Variants in AFG2A observed in about 807,000 individuals in gnomAD.
The protein encoded by AFG2A is ATPase family gene 2 protein homolog A.
At chr4:123,185,952 C>T in the AFG2A span, among the ~76,000 whole-genome samples, 68 of 151,822 alleles carry the variant, frequency 4.5e-4, no homozygotes, top group Non-Finnish European at 8.2e-4. Flanking sequence ...TTAGAAATCT[C>T]CCACTATGTT....
At chr4:123,125,609 C>T in the AFG2A span, among the ~76,000 whole-genome samples, 1 of 152,114 alleles carries the variant, frequency 6.6e-6, no homozygotes, top group African/African-American at 2.4e-5. Context: ...GTGTTCAATT[C>T]CATAAATTTT....
the AFG2A span, among the ~76,000 whole-genome samples, chr4:122,976,506 C>A: frequency 6.6e-6 from 1 of 152,146 alleles, no homozygotes; most frequent in African/African-American, 2.4e-5. Flanking sequence ...CTACGTCATC[C>A]TAGTTTTTCT....
chr4:123,187,411 T>A, the AFG2A span, among the ~76,000 whole-genome samples: 7 of 152,306 alleles, frequency 4.6e-5, no homozygotes, highest in Non-Finnish European at 1.0e-4. Context: ...ACCCAACGTA[T>A]TAGTTGTTAT....
the AFG2A span, among the ~76,000 whole-genome samples, chr4:123,174,088 A>G: frequency 6.6e-5 from 10 of 152,224 alleles, no homozygotes; most frequent in Non-Finnish European, 1.3e-4. Flanking sequence ...TGGGCAAATT[A>G]TTAGAACTAG....
the AFG2A span, among the ~76,000 whole-genome samples, chr4:123,199,822 A>G: frequency 1.8e-4 from 28 of 152,122 alleles, no homozygotes; most frequent in Non-Finnish European, 7.4e-5. Context: ...ATAAATCCAG[A>G]GCTATATACA....
chr4:123,247,582 A>T, the AFG2A span, among the ~76,000 whole-genome samples: 2 of 149,614 alleles, frequency 1.3e-5, no homozygotes, highest in Admixed American at 6.7e-5. Context: ...GCTAATTTTT[A>T]TGTTTGTTTG....
At chr4:122,977,880 G>T in the AFG2A span, among the ~76,000 whole-genome samples, 1 of 152,288 alleles carries the variant, frequency 6.6e-6, no homozygotes, top group East Asian at 1.9e-4. Context: ...ACCTGGAGGG[G>T]GTAGCTGCTG....
chr4:123,120,286 GC>G, the AFG2A span, among the ~76,000 whole-genome samples: 116 of 152,084 alleles, frequency 7.6e-4, no homozygotes, highest in African/African-American at 2.5e-3. Context: ...TTAAATTTCT[GC>G]CATTATATTT....
the AFG2A span, among the ~76,000 whole-genome samples, chr4:123,019,861 A>G: frequency 6.6e-6 from 1 of 152,216 alleles, no homozygotes; most frequent in East Asian, 1.9e-4. Flanking sequence ...AATTTATTTC[A>G]GTAGTAAATT....
chr4:122,984,741 G>A, the AFG2A span, among the ~76,000 whole-genome samples: 3 of 152,256 alleles, frequency 2.0e-5, no homozygotes, highest in Non-Finnish European at 2.9e-5. Flanking sequence ...TGTTTATGTG[G>A]TGTATCACAT....
the AFG2A span, among the ~76,000 whole-genome samples, chr4:123,285,527 C>T: frequency 6.6e-6 from 1 of 152,176 alleles, no homozygotes; most frequent in Non-Finnish European, 1.5e-5. Flanking sequence ...TATGCCACCT[C>T]TGTGCCTTCA....
the AFG2A span, among the ~76,000 whole-genome samples, chr4:122,940,949 T>C: frequency 6.6e-6 from 1 of 151,684 alleles, no homozygotes; most frequent in African/African-American, 2.4e-5. Flanking sequence ...GTTGTAGATA[T>C]GTGGCATTAT....
chr4:123,274,191 T>TTC, the AFG2A span, among the ~76,000 whole-genome samples: 83 of 152,268 alleles, frequency 5.5e-4, no homozygotes, highest in Admixed American at 2.2e-3. Context: ...GATTTTCATT[T>TTC]TCTATACATA....
chr4:123,282,654 A>C, the AFG2A span, among the ~76,000 whole-genome samples: 97 of 152,196 alleles, frequency 6.4e-4, no homozygotes, highest in African/African-American at 2.3e-3. Context: ...TCACACAGCC[A>C]CCGCTGTGAG....
chr4:123,250,486 A>G, the AFG2A span, among the ~76,000 whole-genome samples: 2 of 152,178 alleles, frequency 1.3e-5, no homozygotes, highest in Non-Finnish European at 1.5e-5. Flanking sequence ...TTTAGTCTGG[A>G]GCACACAAGC....
At chr4:123,287,775 C>G in the AFG2A span, among the ~76,000 whole-genome samples, 1 of 151,934 alleles carries the variant, frequency 6.6e-6, no homozygotes, top group African/African-American at 2.4e-5. Context: ...AGAGAAGGAG[C>G]AAAATAAAGC....
chr4:123,215,994 G>A, the AFG2A span, among the ~76,000 whole-genome samples: 7 of 151,790 alleles, frequency 4.6e-5, no homozygotes, highest in Non-Finnish European at 8.8e-5. Context: ...CTCCTAGTAG[G>A]GCAAGTATAA....
chr4:123,015,725 T>C, the AFG2A span, among the ~76,000 whole-genome samples: 2 of 150,972 alleles, frequency 1.3e-5, no homozygotes, highest in African/African-American at 4.9e-5. Flanking sequence ...GGGTGGTGGC[T>C]GGGCAGAGGG....
At chr4:123,138,897 C>G in the AFG2A span, among the ~76,000 whole-genome samples, 1 of 151,756 alleles carries the variant, frequency 6.6e-6, no homozygotes, top group Non-Finnish European at 1.5e-5. Context: ...AACACATATA[C>G]ATGTATATGT....
Sources: allele counts gnomAD v4.1 joint callset (sites outside exome capture counted in the v4.1 genomes callset), GRCh38; gene constraint gnomAD v4.1.1; transcripts MANE v1.5; gene names NCBI Gene and HGNC (gene_info 2026-07-23, HGNC 2026-07-21).